NOL11: variants seen among roughly 807,000 people sequenced by gnomAD.
The protein encoded by NOL11 is nucleolar protein 11.
Under a neutral mutation model 93.0 loss-of-function variants are expected in NOL11, and 42 were observed. That is an observed-to-expected ratio of 0.45 (90% CI 0.35 to 0.58). The LOEUF (loss-of-function observed/expected upper bound fraction) is 0.58, where lower values mean the gene tolerates loss of function less well. Among genes scored for constraint, NOL11 ranks in the 20% least tolerant of loss-of-function variants. The pLI is 0.00. For missense variants in NOL11, 775 were observed against 841.8 expected, an observed-to-expected ratio of 0.92 and a Z score of 0.98; for synonymous variants, 296 against 293.7, an observed-to-expected ratio of 1.01 and a Z score of -0.08.
At position 67,726,645 on chromosome 17, in the gene NOL11, A is replaced by G. The variant is rs2055097302; in HGVS notation, c.850A>G (p.Lys284Glu). The G allele has an allele frequency of 1.3e-6, 2 of 1,589,234 alleles. No homozygotes were observed. Among genetic ancestry groups the G allele is most frequent in the African/African-American group, 1.4e-5 (1 of 73,676 alleles). Residue 284 changes from lysine to glutamate, a missense_variant, in exon 7 of 18, where the codon AAG (lysine) becomes GAG (glutamate). By Grantham distance (56) the Lys-to-Glu change is moderately conservative. Coordinates refer to ENST00000253247, the MANE Select transcript of NOL11 (RefSeq NM_015462.5). ...CCTAGGAAGTCCACTAGCAGCTTCT[A>G]AGGGTAACTGACATCCAATTCATTA... ...AVLGSPLAAS[K>E]ECLSVWNIKF...
chr17:67,724,984 G>A (rs1481964876), intron 6 of NOL11, among the ~76,000 whole-genome samples: 1 of 152,196 alleles, frequency 6.6e-6, no homozygotes, highest in Admixed American at 6.5e-5. Context: ...TGTGAACCCA[G>A]GAGGCGGAGC....
chr17:67,725,090 A>G (rs8080589), intron 6 of NOL11, among the ~76,000 whole-genome samples: 3,399 of 152,280 alleles, frequency 0.022, 159 homozygotes, highest in African/African-American at 0.078. Context: ...AAAATTTACC[A>G]TAAGCAATAA....
rs751051311 is a variant in NOL11 at position 67,721,397 on chromosome 17, G to T, written c.332G>T (p.Arg111Met). ...TTCCAGTTGTCAGCAGAAGTATATAGGATACTTTCAGTGCAAGGGACAGAA... is the reference window on the plus strand; with the variant it reads ...TTCCAGTTGTCAGCAGAAGTATATATGATACTTTCAGTGCAAGGGACAGAA... ...FKATLSAEVYRILSVQGTEPL... is the reference protein window; with the variant it reads ...FKATLSAEVYMILSVQGTEPL... The change falls in exon 4 of 18, where the codon AGG becomes ATG. Residue 111 changes from arginine (R) to methionine (M), a missense_variant. By Grantham distance (91) the Arg-to-Met change is moderately conservative (BLOSUM62 -1). Transcript: ENST00000253247. 1 of 1,601,162 alleles carries T rather than the reference G, an allele frequency of 6.2e-7. No individual in the cohort carries two copies. Among genetic ancestry groups the T allele is most frequent in the Non-Finnish European group, 8.5e-7 (1 of 1,176,128 alleles).
intron 9 of NOL11, 58 bp downstream of exon 9, chr17:67,736,081 T>G: frequency 7.0e-6 from 10 of 1,425,176 alleles, no homozygotes; most frequent in Non-Finnish European, 9.6e-6. Flanking sequence ...ACTTGTAGTT[T>G]CGTACAGATT....
chr17:67,725,322 C>T (rs1365391213), intron 6 of NOL11, among the ~76,000 whole-genome samples: 1 of 151,920 alleles, frequency 6.6e-6, no homozygotes, highest in East Asian at 1.9e-4. Context: ...ATGCCAGTTG[C>T]TTTTTATTAT....
At chr17:67,722,966 C>T (rs924679973) in intron 5 of NOL11, among the ~76,000 whole-genome samples, 1 of 150,786 alleles carries the variant, frequency 6.6e-6, no homozygotes, top group Non-Finnish European at 1.5e-5. Flanking sequence ...CCTGGAATTA[C>T]AGGTGTGAGC....
intron 15 of NOL11, 148 bp downstream of exon 15, chr17:67,739,158 T>C: frequency 1.6e-6 from 1 of 638,928 alleles, no homozygotes; most frequent in Non-Finnish European, 2.7e-6. Flanking sequence ...AAAATTGTGC[T>C]GAGAAAACTA....
chr17:67,718,980 C>G (rs2043196542), intron 1 of NOL11: 1 of 152,214 alleles, frequency 6.6e-6, no homozygotes, highest in Non-Finnish European at 1.5e-5. Context: ...TGCCGCTGTT[C>G]AGAGGCATAA....
intron 7 of NOL11, among the ~76,000 whole-genome samples, chr17:67,729,644 T>A (rs983080851): frequency 6.6e-6 from 1 of 152,098 alleles, no homozygotes; most frequent in Admixed American, 6.6e-5. Context: ...AGTTGCGCAA[T>A]CTCGGCTCAC....
At chr17:67,721,290 T>C in intron 3 of NOL11, 88 bp from the exon 4 acceptor site, 1 of 750,914 alleles carries the variant, frequency 1.3e-6, no homozygotes, top group South Asian at 2.9e-5. Context: ...AATAAAGCAG[T>C]CACTTAAAAA....
In NOL11 at chr17:67,738,369, T is replaced by C; in HGVS notation, c.1763+14T>C. 6.5e-7 allele frequency: 1 copy of C among 1,535,356 alleles called. No homozygotes were observed. Among genetic ancestry groups the C allele is most frequent in the East Asian group, 2.2e-5 (1 of 44,488 alleles). On this transcript the variant is annotated intron_variant, in intron 14 of 17. Transcript: ENST00000253247. ...AGCAGCTCTACTGTATCCTTTGACATAGAGCATCCCTCTGTTTCTCTTTAT... is the reference window on the plus strand; with the variant it reads ...AGCAGCTCTACTGTATCCTTTGACACAGAGCATCCCTCTGTTTCTCTTTAT...
chr17:67,726,945 A>G (rs972416074), intron 7 of NOL11: 1 of 204,354 alleles, frequency 4.9e-6, no homozygotes, highest in African/African-American at 2.3e-5. Flanking sequence ...TATTTGAAAC[A>G]TTAGTAAGCC....
intron 6 of NOL11, 42 bp from the exon 7 acceptor site, chr17:67,726,418 A>G: frequency 6.5e-7 from 1 of 1,527,322 alleles, no homozygotes; most frequent in South Asian, 1.2e-5. Flanking sequence ...TAGATATAGA[A>G]GTATCCTTCA....
intron 7 of NOL11, 180 bp downstream of exon 7, chr17:67,726,828 C>CAAA: frequency 2.1e-6 from 1 of 482,814 alleles, no homozygotes; most frequent in Non-Finnish European, 3.6e-6. Context: ...TTTTATTTTG[C>CAAA]ATTGATCTTT....
At chr17:67,718,219 T>G in intron 1 of NOL11, 131 bp downstream of exon 1, 1 of 1,254,062 alleles carries the variant, frequency 8.0e-7, no homozygotes. Flanking sequence ...CGGCTGGGCC[T>G]GTTGGGGACG....
In NOL11 at chr17:67,737,142, A is replaced by G. The variant is rs1319745888; in HGVS notation, c.1215A>G (p.Ile405Met). 3 of 1,577,896 alleles carry G rather than the reference A, an allele frequency of 1.9e-6. No homozygotes were observed. Among genetic ancestry groups the G allele is most frequent in the Admixed American group, 1.7e-5 (1 of 59,662 alleles). ...VPPSKQLLST[I>M]MKDSEKHIEV... ...CATCCAAACAACTTTTGTCAACCATAATGGTAAATAAATAATATTGAAATA... is the reference window on the plus strand; with the variant it reads ...CATCCAAACAACTTTTGTCAACCATGATGGTAAATAAATAATATTGAAATA... The change falls in exon 11 of 18, where the codon ATA (isoleucine) becomes ATG (methionine). Residue 405 changes from isoleucine (I) to methionine (M), a missense_variant. By Grantham distance (10) the Ile-to-Met change is conservative (BLOSUM62 1). Transcript: ENST00000253247.
intron 8 of NOL11, among the ~76,000 whole-genome samples, chr17:67,735,422 ATTTG>A (rs1410319645): frequency 6.6e-6 from 1 of 150,960 alleles, no homozygotes; most frequent in African/African-American, 2.5e-5. Context: ...TTATTATTTT[ATTTG>A]TTTTATCATT....
At chr17:67,733,948 G>A (rs551835412) in intron 7 of NOL11, among the ~76,000 whole-genome samples, 63 of 152,018 alleles carry the variant, frequency 4.1e-4, no homozygotes, top group Admixed American at 8.5e-4. Flanking sequence ...TTGCTCTGTA[G>A]TTTTTTTGTG....
chr17:67,726,333 ATTGT>A (rs1316196391), intron 6 of NOL11, 123 bp from the exon 7 acceptor site: 4 of 630,858 alleles, frequency 6.3e-6, no homozygotes, highest in African/African-American at 3.8e-5. Context: ...CAGTGATGGG[ATTGT>A]TTATTTTTCT....
Sources: gnomAD v4.1 joint callset for allele counts (sites outside exome capture counted in the v4.1 genomes callset) on GRCh38, gnomAD v4.1.1 for gene constraint, MANE v1.5 for transcripts, NCBI Gene and HGNC (gene_info 2026-07-23, HGNC 2026-07-21) for gene names.